The following PCDH15 variants were observed in gnomAD, a reference collection of about 807,000 sequenced individuals.
PCDH15 encodes the protein protocadherin related 15, also known as protocadherin-15.
In PCDH15, 129 loss-of-function variants were observed where a neutral mutation model predicts 178.5. The observed-to-expected ratio is 0.72, with a 90% CI of 0.63 to 0.84. The LOEUF (loss-of-function observed/expected upper bound fraction) is 0.84, where lower values mean the gene tolerates loss of function less well. Ranked by LOEUF, PCDH15 falls within the 40% of genes least tolerant of loss-of-function variation. The pLI is 0.00. For missense variants in PCDH15, 2,230 were observed against 2,099.9 expected (o/e 1.06, Z -1.21); for synonymous variants, 800 against 732.0 (o/e 1.09, Z -1.50).
At chr10:55,272,192 A>C (rs1390822463) in intron 1 of PCDH15, among the ~76,000 whole-genome samples, 2 of 151,956 alleles carry the variant, frequency 1.3e-5, no homozygotes, top group African/African-American at 2.4e-5. Flanking sequence ...TGTTTTGAAT[A>C]TTTCAATCTG....
At chr10:53,935,332 G>C (rs2085472726) in intron 25 of PCDH15, among the ~76,000 whole-genome samples, 1 of 152,110 alleles carries the variant, frequency 6.6e-6, no homozygotes, top group Admixed American at 6.5e-5. Context: ...ATAACAAAAT[G>C]ACTGAATTGT....
intron 2 of PCDH15, among the ~76,000 whole-genome samples, chr10:54,563,389 G>A (rs760573621): frequency 2.5e-4 from 38 of 152,048 alleles, no homozygotes; most frequent in Non-Finnish European, 4.1e-4. Context: ...GTTTACATGA[G>A]TAATTGCCTA....
At chr10:55,555,237 T>C (rs1169318038) in intron 2 of PCDH15, among the ~76,000 whole-genome samples, 2 of 152,052 alleles carry the variant, frequency 1.3e-5, no homozygotes, top group Non-Finnish European at 2.9e-5. Context: ...TTAAAAAAGA[T>C]AGATCAGCTT....
intron 2 of PCDH15, among the ~76,000 whole-genome samples, chr10:55,573,737 G>A (rs1426672419): frequency 6.6e-6 from 1 of 151,926 alleles, no homozygotes; most frequent in Non-Finnish European, 1.5e-5. Flanking sequence ...TATGCTTACT[G>A]TTTTGATGTG....
intron 2 of PCDH15, among the ~76,000 whole-genome samples, chr10:55,562,360 G>A (rs891796717): frequency 1.3e-5 from 2 of 151,864 alleles, no homozygotes; most frequent in African/African-American, 4.8e-5. Flanking sequence ...GGAAATATAT[G>A]TATTTGATAT....
chr10:54,114,108 G>A (rs987796484), intron 15 of PCDH15, among the ~76,000 whole-genome samples: 32 of 152,052 alleles, frequency 2.1e-4, no homozygotes, highest in African/African-American at 6.3e-4. Context: ...GATTTGGGTG[G>A]GGACACAAAA....
Position 55,024,074 on chromosome 10 carries a change from C to CAT in PCDH15, c.-79-126576_-79-126575dup, listed in dbSNP as rs71461269. On this transcript the variant is annotated intron_variant, in intron 2 of 5. Coordinates refer to the PCDH15 transcript ENST00000458638. ...AGATGTATATCTGTGTACACACACT[C>CAT]ATATATATATATATATAGGAAGGAA... 4.4e-3 allele frequency among the ~76,000 whole-genome samples: 629 copies of CAT among 143,118 alleles called. 2 individuals carry two copies. The highest frequency in any genetic ancestry group is 7.6e-3 in the Middle Eastern group (2 of 262). 93.9% of individuals were successfully genotyped at this position (143,118 alleles called of 152,430 possible). A position where few individuals can be genotyped will look rare whatever the true frequency, so the allele number is the denominator to read the frequency against.
intron 2 of PCDH15, among the ~76,000 whole-genome samples, chr10:55,467,021 A>G (rs1025488710): frequency 1.3e-5 from 2 of 152,104 alleles, no homozygotes; most frequent in African/African-American, 4.8e-5. Flanking sequence ...GACATATTTC[A>G]CATCACCCTT....
chr10:55,585,312 T>C (rs901592148), intron 2 of PCDH15, among the ~76,000 whole-genome samples: 7 of 152,130 alleles, frequency 4.6e-5, no homozygotes, highest in Non-Finnish European at 1.0e-4. Flanking sequence ...TATCTTCTTT[T>C]AAAGATTCAG....
intron 2 of PCDH15, among the ~76,000 whole-genome samples, chr10:55,618,366 T>C (rs1440165004): frequency 6.6e-6 from 1 of 152,052 alleles, no homozygotes; most frequent in Non-Finnish European, 1.5e-5. Context: ...GCTGAGAAAC[T>C]GAACATTCCT....
intron 2 of PCDH15, among the ~76,000 whole-genome samples, chr10:55,363,154 T>C (rs986171730): frequency 1.3e-5 from 2 of 152,166 alleles, no homozygotes; most frequent in African/African-American, 2.4e-5. Flanking sequence ...CATAATTTCC[T>C]AGAGACCTAT....
chr10:54,138,471 A>C (rs1361406332), intron 14 of PCDH15, among the ~76,000 whole-genome samples: 2 of 152,186 alleles, frequency 1.3e-5, no homozygotes, highest in Admixed American at 1.3e-4. Flanking sequence ...TGATATAGTC[A>C]TAGCAAAGTA....
chr10:54,122,601 A>G (rs1415895945), intron 15 of PCDH15, among the ~76,000 whole-genome samples: 2 of 152,030 alleles, frequency 1.3e-5, no homozygotes. Context: ...AGAAAAAAAA[A>G]TCAGACTATC....
chr10:54,986,297 A>AGCAAG lies in PCDH15; in HGVS notation c.-79-88802_-79-88798dup, dbSNP rs538097332. Among the ~76,000 whole-genome samples the AGCAAG allele has an allele frequency of 2.2e-3, 336 of 152,076 alleles. 2 individuals carry two copies. Among genetic ancestry groups the AGCAAG allele is most frequent in the African/African-American group, 7.7e-3 (317 of 41,434 alleles). ...AAAAACTTGAAACATGTAGGTACCA[A>AGCAAG]GCAAGAGCAAAATACAGCCAGAAAT... On this transcript the variant is annotated intron_variant, in intron 2 of 5. Transcript: ENST00000458638.
chr10:54,815,144 GT>G (rs200800809), intron 3 of PCDH15, among the ~76,000 whole-genome samples: 35,507 of 146,506 alleles, frequency 0.24, 4,742 homozygotes, highest in East Asian at 0.54. Context: ...AAATATGTTG[GT>G]TTTTTTTTTT....
intron 5 of PCDH15, among the ~76,000 whole-genome samples, chr10:54,366,949 A>G (rs1946906277): frequency 6.6e-6 from 1 of 152,234 alleles, no homozygotes; most frequent in East Asian, 1.9e-4. Context: ...AATGTTTAAG[A>G]TCAAATCTTT....
At chr10:54,766,363 T>G (rs1948510695) in intron 1 of PCDH15, among the ~76,000 whole-genome samples, 1 of 151,978 alleles carries the variant, frequency 6.6e-6, no homozygotes, top group African/African-American at 2.4e-5. Flanking sequence ...CATTAAAGAG[T>G]TTAAGCGTAT....
intron 2 of PCDH15, among the ~76,000 whole-genome samples, chr10:54,973,361 A>G (rs1455634587): frequency 6.6e-6 from 1 of 152,238 alleles, no homozygotes; most frequent in African/African-American, 2.4e-5. Context: ...TTCCTTATAT[A>G]TACCATTAGA....
At chr10:55,009,750 G>T (rs940082886) in intron 2 of PCDH15, among the ~76,000 whole-genome samples, 1 of 152,036 alleles carries the variant, frequency 6.6e-6, no homozygotes, top group Non-Finnish European at 1.5e-5. Context: ...GAAAACTAAA[G>T]AGCGAAACAG....
Sources: gnomAD v4.1 joint callset for allele counts (sites outside exome capture counted in the v4.1 genomes callset) on GRCh38, gnomAD v4.1.1 for gene constraint, MANE v1.5 for transcripts, NCBI Gene and HGNC (gene_info 2026-07-23, HGNC 2026-07-21) for gene names.